The following KIAA1549L variants were observed in gnomAD, a reference collection of about 807,000 sequenced individuals.
KIAA1549L encodes UPF0606 protein KIAA1549L.
A neutral mutation model predicts 160.7 loss-of-function variants in KIAA1549L; 88 were observed. The observed-to-expected ratio is 0.55, with a 90% confidence interval of 0.46 to 0.65. The LOEUF (loss-of-function observed/expected upper bound fraction) is 0.65. KIAA1549L is among the 30% of genes least tolerant of loss of function. The pLI is 0.00. For synonymous variants in KIAA1549L, 950 were observed against 976.7 expected, an observed-to-expected ratio of 0.97 and a Z score of 0.51; for missense variants, 2,258 against 2,437.5, an observed-to-expected ratio of 0.93 and a Z score of 1.55.
At chr11:33,452,614 A>ATATGTATGTATGTATG (rs10551315) in intron 1 of KIAA1549L, among the ~76,000 whole-genome samples, 5 of 151,692 alleles carry the variant, frequency 3.3e-5, no homozygotes, top group Admixed American at 2.6e-4. Context: ...TCTCAAATAA[A>ATATGTATGTATGTATG]TATGTATGTA....
At chr11:33,663,861 G>A (rs922246194) in intron 20 of KIAA1549L, among the ~76,000 whole-genome samples, 2 of 152,192 alleles carry the variant, frequency 1.3e-5, no homozygotes, top group Non-Finnish European at 2.9e-5. Context: ...AGCAATAACT[G>A]TTACGCTGGA....
intron 1 of KIAA1549L, among the ~76,000 whole-genome samples, chr11:33,382,900 G>C (rs1181721076): frequency 6.6e-6 from 1 of 152,070 alleles, no homozygotes; most frequent in Non-Finnish European, 1.5e-5. Flanking sequence ...GCATTTGGGG[G>C]TTCAGGGAGA....
At chr11:33,544,657 T>C (rs1854172137) in intron 2 of KIAA1549L, 110 bp from the exon 3 acceptor site, 7 of 1,396,980 alleles carry the variant, frequency 5.0e-6, no homozygotes, top group Admixed American at 2.7e-5. Context: ...CAAGCCCAGA[T>C]TGCAGAGACT....
chr11:33,598,232 G>GAGT (rs1850259899), intron 12 of KIAA1549L, among the ~76,000 whole-genome samples: 1 of 144,868 alleles, frequency 6.9e-6, no homozygotes, highest in African/African-American at 2.5e-5. Flanking sequence ...GTGTGTGTCA[G>GAGT]AGTGAAGCCC....
chr11:33,495,686 C>G (rs991832351), intron 1 of KIAA1549L, among the ~76,000 whole-genome samples: 1 of 151,976 alleles, frequency 6.6e-6, no homozygotes, highest in East Asian at 1.9e-4. Flanking sequence ...GTTCTAGATC[C>G]CTGAGGAATC....
chr11:33,599,744 GGCCCT>G (rs1850305384), intron 13 of KIAA1549L, among the ~76,000 whole-genome samples: 2 of 152,148 alleles, frequency 1.3e-5, no homozygotes, highest in East Asian at 3.9e-4. Context: ...ATCTCCATGT[GGCCCT>G]TCCGTGTGTG....
intron 16 of KIAA1549L, among the ~76,000 whole-genome samples, chr11:33,640,703 G>A (rs1851559586): frequency 6.6e-6 from 1 of 152,230 alleles, no homozygotes; most frequent in Admixed American, 6.5e-5. Context: ...TCAGATTAGA[G>A]TAGATTTTAA....
Position 33,401,258 on chromosome 11 carries a change from ATTATAT to A in KIAA1549L, c.238+24375_238+24380del, listed in dbSNP as rs543071785. Among the ~76,000 whole-genome samples the A allele has an allele frequency of 2.1e-3, 317 of 148,002 alleles. 1 individual carries two copies. The highest frequency in any genetic ancestry group is 7.2e-3 in the African/African-American group (295 of 40,810). ...ATATTAATATAGTATATATAAATAC[ATTATAT>A]TTATACAATATATAAAATATATTTA... On this transcript the variant is annotated intron_variant, in intron 1 of 20. Coordinates refer to ENST00000658780, the MANE Select transcript of KIAA1549L (RefSeq NM_012194.3).
intron 1 of KIAA1549L, among the ~76,000 whole-genome samples, chr11:33,468,011 G>T (rs764387070): frequency 6.6e-6 from 1 of 152,190 alleles, no homozygotes; most frequent in Non-Finnish European, 1.5e-5. Context: ...GCCTTTTCCA[G>T]ACAGCCACAT....
chr11:33,647,270 G>T (rs1470874874), intron 17 of KIAA1549L, among the ~76,000 whole-genome samples: 1 of 151,618 alleles, frequency 6.6e-6, no homozygotes, highest in African/African-American at 2.4e-5. Context: ...CAACTTTTTG[G>T]GAGGCTGAGG....
chr11:33,573,334 A>G (rs1049458954), intron 9 of KIAA1549L, among the ~76,000 whole-genome samples: 2 of 152,148 alleles, frequency 1.3e-5, no homozygotes, highest in Non-Finnish European at 2.9e-5. Flanking sequence ...TTTTGTATTA[A>G]ATCATTCCCA....
chr11:33,614,531 GA>G (rs1850729058), intron 15 of KIAA1549L, among the ~76,000 whole-genome samples: 1 of 27,104 alleles, frequency 3.7e-5, no homozygotes, highest in African/African-American at 1.3e-4. Flanking sequence ...AGTGTAACAA[GA>G]TATATATATA....
At chr11:33,481,099 T>A (rs553611877) in intron 1 of KIAA1549L, among the ~76,000 whole-genome samples, 1 of 152,306 alleles carries the variant, frequency 6.6e-6, no homozygotes, top group South Asian at 2.1e-4. Flanking sequence ...CATTTCTGTA[T>A]TTTTTTCTCG....
chr11:33,493,519 G>A (rs1242708252), intron 1 of KIAA1549L, among the ~76,000 whole-genome samples: 9 of 152,138 alleles, frequency 5.9e-5, no homozygotes, highest in African/African-American at 1.4e-4. Flanking sequence ...CCTGAGTCCC[G>A]GTCTGTTGAA....
chr11:33,625,738 G>A (rs938586529), intron 16 of KIAA1549L, among the ~76,000 whole-genome samples: 10 of 152,056 alleles, frequency 6.6e-5, no homozygotes, highest in Non-Finnish European at 1.3e-4. Context: ...AGTTTCTTTT[G>A]CTGTGCAGAA....
chr11:33,553,415 T>C (rs1854538722), intron 6 of KIAA1549L, among the ~76,000 whole-genome samples: 1 of 152,290 alleles, frequency 6.6e-6, no homozygotes, highest in Non-Finnish European at 1.5e-5. Context: ...GTCTCTGTTT[T>C]GACTACTGAA....
intron 1 of KIAA1549L, among the ~76,000 whole-genome samples, chr11:33,425,414 C>G (rs376267839): frequency 1.7e-4 from 26 of 152,294 alleles, no homozygotes; most frequent in African/African-American, 5.8e-4. Context: ...AAGGGATCTT[C>G]ATGTTAATAT....
intron 1 of KIAA1549L, among the ~76,000 whole-genome samples, chr11:33,532,005 C>T (rs530893018): frequency 2.3e-4 from 35 of 152,256 alleles, no homozygotes; most frequent in African/African-American, 5.8e-4. Flanking sequence ...GAGTGGAGCC[C>T]GCCCCAGATC....
intron 12 of KIAA1549L, among the ~76,000 whole-genome samples, chr11:33,596,518 C>T (rs1328621579): frequency 2.0e-5 from 3 of 152,140 alleles, no homozygotes; most frequent in Non-Finnish European, 4.4e-5. Flanking sequence ...AAATGCATCA[C>T]TTGGGGTCAG....
Sources: allele counts gnomAD v4.1 joint callset (sites outside exome capture counted in the v4.1 genomes callset), GRCh38; gene constraint gnomAD v4.1.1; transcripts MANE v1.5; gene names NCBI Gene and HGNC (gene_info 2026-07-23, HGNC 2026-07-21).